The following SOX6 variants were observed in gnomAD, a reference collection of about 807,000 sequenced individuals.
SOX6 encodes the protein transcription factor SOX-6.
A neutral mutation model predicts 97.8 loss-of-function variants in SOX6; 11 were observed. The observed-to-expected ratio is 0.11, with a 90% confidence interval of 0.07 to 0.19. The LOEUF is 0.19. SOX6 is among the 10% of genes least tolerant of loss of function. SOX6 has a pLI of 1.00. For missense variants in SOX6, 810 were observed against 1,039.5 expected (o/e 0.78, Z 3.04); for synonymous variants, 360 against 371.4 (o/e 0.97, Z 0.35).
At chr11:16,438,955 A>G (rs1344525058) in intron 1 of SOX6, among the ~76,000 whole-genome samples, 2 of 152,192 alleles carry the variant, frequency 1.3e-5, no homozygotes, top group Non-Finnish European at 2.9e-5. Context: ...GTGAATAGGA[A>G]GAAGTATATT....
At chr11:16,564,583 A>AT (rs894992384) in intron 4 of SOX6, among the ~76,000 whole-genome samples, 5 of 152,144 alleles carry the variant, frequency 3.3e-5, no homozygotes, top group African/African-American at 1.2e-4. Flanking sequence ...AACTCAACAA[A>AT]TTTTTAAAAA....
intron 6 of SOX6, among the ~76,000 whole-genome samples, chr11:16,161,156 A>T (rs1438216525): frequency 6.6e-6 from 1 of 152,038 alleles, no homozygotes. Context: ...TATAAACATG[A>T]TGTCACTGGA....
chr11:16,664,372 C>T (rs995714269), intron 3 of SOX6, among the ~76,000 whole-genome samples: 1 of 152,164 alleles, frequency 6.6e-6, no homozygotes, highest in African/African-American at 2.4e-5. Context: ...GAGAAAGAAT[C>T]TGTACACTTG....
intron 13 of SOX6, among the ~76,000 whole-genome samples, chr11:16,006,352 T>C (rs1854555071): frequency 6.6e-6 from 1 of 152,076 alleles, no homozygotes; most frequent in Admixed American, 6.6e-5. Flanking sequence ...TTCCTCAGCG[T>C]GGTAATCAAG....
chr11:16,158,905 T>C (rs1850670936), intron 6 of SOX6, among the ~76,000 whole-genome samples: 1 of 151,826 alleles, frequency 6.6e-6, no homozygotes, highest in Non-Finnish European at 1.5e-5. Context: ...TGTATCTGTG[T>C]GTTTGTTATC....
chr11:16,415,049 G>A (rs1858898818), intron 1 of SOX6, among the ~76,000 whole-genome samples: 1 of 152,058 alleles, frequency 6.6e-6, no homozygotes. Context: ...GGCATTATAT[G>A]CAGAAGGTAC....
intron 3 of SOX6, among the ~76,000 whole-genome samples, chr11:16,674,735 G>A (rs561750683): frequency 2.6e-4 from 40 of 152,300 alleles, no homozygotes; most frequent in Non-Finnish European, 2.1e-4. Context: ...CAGATCACCT[G>A]AGGCCAGGAG....
intron 6 of SOX6, among the ~76,000 whole-genome samples, chr11:16,146,922 G>A (rs778406801): frequency 5.3e-5 from 8 of 152,044 alleles, no homozygotes; most frequent in Non-Finnish European, 5.9e-5. Flanking sequence ...AAACTAGTTC[G>A]ACCATTGTGG....
At chr11:16,689,053 A>G (rs889524374) in intron 3 of SOX6, among the ~76,000 whole-genome samples, 1 of 152,058 alleles carries the variant, frequency 6.6e-6, no homozygotes, top group African/African-American at 2.4e-5. Context: ...ATTAATTATG[A>G]TATTTTTCTA....
chr11:16,414,789 C>A (rs972144876), intron 1 of SOX6, among the ~76,000 whole-genome samples: 2 of 152,066 alleles, frequency 1.3e-5, no homozygotes, highest in Non-Finnish European at 2.9e-5. Flanking sequence ...ATTCCAGGTA[C>A]AAGAAACTAC....
intron 1 of SOX6, among the ~76,000 whole-genome samples, chr11:16,401,056 T>G (rs574423400): frequency 6.6e-6 from 1 of 151,694 alleles, no homozygotes; most frequent in South Asian, 2.1e-4. Context: ...TATTGCATTT[T>G]TCAATTATAT....
chr11:16,260,939 A>T (rs1335788670), intron 3 of SOX6, among the ~76,000 whole-genome samples: 4 of 152,166 alleles, frequency 2.6e-5, no homozygotes, highest in Non-Finnish European at 5.9e-5. Context: ...ACCAGCTGCT[A>T]TCTGCTATAT....
intron 4 of SOX6, among the ~76,000 whole-genome samples, chr11:16,554,731 T>G (rs1029478248): frequency 6.6e-6 from 1 of 152,074 alleles, no homozygotes; most frequent in South Asian, 2.1e-4. Flanking sequence ...TATAAACTAT[T>G]AGAATTAAAA....
At chr11:16,259,951 G>A (rs1205153576) in intron 3 of SOX6, among the ~76,000 whole-genome samples, 1 of 151,114 alleles carries the variant, frequency 6.6e-6, no homozygotes, top group Non-Finnish European at 1.5e-5. Context: ...AAATATGTGT[G>A]TGTGTGTGTG....
At chr11:16,734,173 C>A (rs959836728) in intron 2 of SOX6, among the ~76,000 whole-genome samples, 7 of 151,820 alleles carry the variant, frequency 4.6e-5, no homozygotes, top group African/African-American at 1.7e-4. Flanking sequence ...ATTTATAGTG[C>A]CACATTTTAA....
At chr11:16,259,953 G>A (rs1241111036) in intron 3 of SOX6, among the ~76,000 whole-genome samples, 9 of 151,256 alleles carry the variant, frequency 6.0e-5, no homozygotes, top group African/African-American at 1.9e-4. Context: ...ATATGTGTGT[G>A]TGTGTGTGTG....
intron 1 of SOX6, among the ~76,000 whole-genome samples, chr11:16,388,614 G>A (rs1590178458): frequency 6.6e-6 from 1 of 151,866 alleles, no homozygotes; most frequent in Admixed American, 6.6e-5. Context: ...TTTTTTCTAA[G>A]AAATTTGTTT....
At chr11:16,004,905 A>G (rs1854504692) in intron 13 of SOX6, among the ~76,000 whole-genome samples, 1 of 152,106 alleles carries the variant, frequency 6.6e-6, no homozygotes, top group South Asian at 2.1e-4. Flanking sequence ...TTTCTATAAA[A>G]GAGAGCAATA....
chr11:16,186,691 A>C, intron 5 of SOX6, 92 bp downstream of exon 5: 3 of 1,358,152 alleles, frequency 2.2e-6, no homozygotes, highest in Non-Finnish European at 3.1e-6. Context: ...TTTTTAGGAA[A>C]GCTTACAACA....
Sources: gnomAD v4.1 joint callset for allele counts (sites outside exome capture counted in the v4.1 genomes callset) on GRCh38, gnomAD v4.1.1 for gene constraint, MANE v1.5 for transcripts, NCBI Gene and HGNC (gene_info 2026-07-23, HGNC 2026-07-21) for gene names.